The following DTNA variants were observed in gnomAD, a reference collection of about 807,000 sequenced individuals.
DTNA encodes the protein dystrobrevin alpha.
In DTNA, 43 loss-of-function variants were observed where a neutral mutation model predicts 100.7. The observed-to-expected ratio is 0.43, with a 90% CI of 0.33 to 0.55. The LOEUF is 0.55. Among genes scored for constraint, DTNA ranks in the 20% least tolerant of loss-of-function variants. The pLI is 0.04. For missense variants in DTNA, 798 were observed against 953.9 expected (o/e 0.84, Z 2.15); for synonymous variants, 349 against 347.9 (o/e 1.00, Z -0.04).
intron 1 of DTNA, among the ~76,000 whole-genome samples, chr18:34,585,915 G>C (rs1440618429): frequency 6.6e-6 from 1 of 152,156 alleles, no homozygotes; most frequent in Non-Finnish European, 1.5e-5. Context: ...AAAGCTAATT[G>C]TTTGTAAAGA....
chr18:34,815,265 A>G (rs2095571341), intron 6 of DTNA, among the ~76,000 whole-genome samples: 1 of 152,162 alleles, frequency 6.6e-6, no homozygotes, highest in African/African-American at 2.4e-5. Flanking sequence ...ATCATTTTGA[A>G]AGAAACTTAT....
Position 34,689,521 on chromosome 18 carries a change from C to T in DTNA, c.-1-66455C>T, listed in dbSNP as rs141381302. 8.3e-3 allele frequency among the ~76,000 whole-genome samples: 1,262 copies of T among 152,302 alleles called. 5 individuals carry two copies. Among genetic ancestry groups the T allele is most frequent in the Non-Finnish European group, 0.013 (914 of 68,036 alleles). ...TGCCTGCTCCTTCCTCTGGAAGCTT[C>T]GTCCCAGAAGGGCACCTGCCAGATG... On this transcript the variant is annotated intron_variant, in intron 1 of 19. Coordinates refer to the DTNA transcript ENST00000283365.
intron 3 of DTNA, among the ~76,000 whole-genome samples, chr18:34,782,018 C>T (rs2094344169): frequency 6.6e-6 from 1 of 152,210 alleles, no homozygotes; most frequent in South Asian, 2.1e-4. Context: ...GTTCAAGTTA[C>T]TGCATAAGAA....
At chr18:34,577,622 G>C (rs570903787) in intron 1 of DTNA, among the ~76,000 whole-genome samples, 5 of 152,014 alleles carry the variant, frequency 3.3e-5, no homozygotes. Context: ...AAAGTCCATC[G>C]TGTCATTCTT....
In DTNA at chr18:34,765,991, C is replaced by CT; in HGVS notation, c.98_99insT (p.Thr34HisfsTer9). 6.2e-7 allele frequency: 1 copy of CT among 1,613,848 alleles called. No individual in the cohort carries two copies. Among genetic ancestry groups the CT allele is most frequent in the African/African-American group, 1.3e-5 (1 of 75,032 alleles). ...CAAGATCTGGATCGCATCCGACTCT[C>CT]CACCTACAGAACAGCATGCAAGCTT... On this transcript the variant is annotated frameshift_variant, in exon 3 of 23. Coordinates refer to ENST00000444659, the MANE Select transcript of DTNA (RefSeq NM_001386795.1). LOFTEE classifies it high-confidence loss of function.
At chr18:34,873,577 C>T (rs576644552) in intron 17 of DTNA, among the ~76,000 whole-genome samples, 3 of 152,316 alleles carry the variant, frequency 2.0e-5, no homozygotes, top group South Asian at 2.1e-4. Context: ...CCTCTGACTC[C>T]GTCTCCAGAT....
chr18:34,764,712 G>A (rs202102628), intron 2 of DTNA, among the ~76,000 whole-genome samples: 1 of 152,332 alleles, frequency 6.6e-6, no homozygotes, highest in East Asian at 1.9e-4. Flanking sequence ...CACTGGGAAA[G>A]CACTTAATTG....
intron 11 of DTNA, among the ~76,000 whole-genome samples, chr18:34,833,994 C>T (rs2096075128): frequency 6.6e-6 from 1 of 152,154 alleles, no homozygotes; most frequent in Non-Finnish European, 1.5e-5. Flanking sequence ...TCCATTGTAC[C>T]TGATCCCAAA....
intron 1 of DTNA, among the ~76,000 whole-genome samples, chr18:34,622,966 A>T (rs917873385): frequency 6.6e-6 from 1 of 152,190 alleles, no homozygotes; most frequent in Non-Finnish European, 1.5e-5. Flanking sequence ...CCATATCTTT[A>T]TATACCCTAT....
chr18:34,639,099 C>T (rs1272245638), intron 1 of DTNA, among the ~76,000 whole-genome samples: 1 of 152,220 alleles, frequency 6.6e-6, no homozygotes, highest in Non-Finnish European at 1.5e-5. Context: ...CCTCGGCCTC[C>T]CAGAGTGTTG....
chr18:34,788,937 G>C (rs1265902946), intron 3 of DTNA, among the ~76,000 whole-genome samples: 3 of 152,092 alleles, frequency 2.0e-5, no homozygotes, highest in African/African-American at 7.2e-5. Context: ...CTCATTTCTT[G>C]ATCATCTATT....
At chr18:34,609,826 A>G (rs1366077134) in intron 1 of DTNA, among the ~76,000 whole-genome samples, 1 of 152,190 alleles carries the variant, frequency 6.6e-6, no homozygotes, top group African/African-American at 2.4e-5. Flanking sequence ...ACTGTCTTGT[A>G]TGTTTTAACA....
At chr18:34,508,292 T>C (rs188667182) in intron 1 of DTNA, among the ~76,000 whole-genome samples, 10 of 152,274 alleles carry the variant, frequency 6.6e-5, no homozygotes, top group African/African-American at 2.2e-4. Flanking sequence ...TTTTAGGAGA[T>C]CTTGTCACAT....
At chr18:34,718,258 G>T (rs2084478560) in intron 1 of DTNA, among the ~76,000 whole-genome samples, 1 of 152,122 alleles carries the variant, frequency 6.6e-6, no homozygotes, top group Non-Finnish European at 1.5e-5. Flanking sequence ...TGACAATTTT[G>T]TTTGGGGATG....
chr18:34,838,624 C>T, intron 12 of DTNA, 121 bp from the exon 13 acceptor site: 2 of 801,512 alleles, frequency 2.5e-6, no homozygotes, highest in East Asian at 2.5e-5. Context: ...ACTTACTACC[C>T]TTCCTTTACC....
chr18:34,843,129 CA>C (rs1409493829), intron 13 of DTNA, among the ~76,000 whole-genome samples: 1 of 151,922 alleles, frequency 6.6e-6, no homozygotes, highest in Non-Finnish European at 1.5e-5. Context: ...ACTTTACTAG[CA>C]AAATTAGAAT....
At chr18:34,628,284 A>G (rs572370046) in intron 1 of DTNA, among the ~76,000 whole-genome samples, 1 of 152,272 alleles carries the variant, frequency 6.6e-6, no homozygotes, top group South Asian at 2.1e-4. Flanking sequence ...GTAAGAAGTT[A>G]GAAGATATAA....
intron 1 of DTNA, among the ~76,000 whole-genome samples, chr18:34,747,752 A>T (rs1167712695): frequency 6.6e-6 from 1 of 152,114 alleles, no homozygotes; most frequent in Non-Finnish European, 1.5e-5. Flanking sequence ...GTTGATGGAC[A>T]CTTAGGTTGG....
chr18:34,866,352 A>G (rs1006945825), intron 17 of DTNA: 5 of 1,418,276 alleles, frequency 3.5e-6, no homozygotes, highest in South Asian at 3.1e-5. Flanking sequence ...AAGAAGAACT[A>G]TGACATCTTT....
Sources: allele counts gnomAD v4.1 joint callset (sites outside exome capture counted in the v4.1 genomes callset), GRCh38; gene constraint gnomAD v4.1.1; transcripts MANE v1.5; gene names NCBI Gene and HGNC (gene_info 2026-07-23, HGNC 2026-07-21).